The following HIVEP1 variants were observed in gnomAD, a reference collection of about 807,000 sequenced individuals.
HIVEP1 encodes the protein HIVEP zinc finger 1, also known as zinc finger protein 40.
HIVEP1 carries 36 observed loss-of-function variants against 180.0 expected under a neutral mutation model. The ratio of observed to expected loss-of-function variants is 0.20; its 90% confidence interval spans 0.15 to 0.26. The LOEUF (loss-of-function observed/expected upper bound fraction) is 0.26. HIVEP1 is among the 10% of genes least tolerant of loss of function. The probability of loss-of-function intolerance (pLI) is 1.00; values close to 1 mark genes in which losing one functional copy is unlikely to be tolerated. For synonymous variants in HIVEP1, 1,239 were observed against 1,239.0 expected, an observed-to-expected ratio of 1.00 and a Z score of 0.00; for missense variants, 3,143 against 3,268.7, an observed-to-expected ratio of 0.96 and a Z score of 0.94.
intron 3 of HIVEP1, among the ~76,000 whole-genome samples, chr6:12,118,717 T>C (rs189517931): frequency 3.9e-5 from 6 of 152,352 alleles, no homozygotes; most frequent in Admixed American, 3.3e-4. Context: ...TACAACCTTA[T>C]GACTTTTTAA....
intron 3 of HIVEP1, among the ~76,000 whole-genome samples, chr6:12,102,520 A>G (rs541511156): frequency 1.3e-5 from 2 of 152,142 alleles, no homozygotes; most frequent in Non-Finnish European, 2.9e-5. Context: ...CTTCTGTTGT[A>G]CAAATGACAC....
In HIVEP1 at chr6:12,078,648, CACATACATATAT is replaced by C. The variant is rs1293621237; in HGVS notation, c.41-10534_41-10523del. 6.6e-4 allele frequency among the ~76,000 whole-genome samples: 96 copies of C among 144,806 alleles called. 1 individual carries two copies. Among genetic ancestry groups the C allele is most frequent in the African/African-American group, 2.3e-3 (91 of 40,046 alleles). The allele number at this position is 144,806 out of a possible 152,430, so 95.0% of individuals were successfully genotyped here. ...ATACATATATATACACACACACACACACATACATATATATACATATATATACACACACTATAC... is the reference window on the plus strand; with the variant it reads ...ATACATATATATACACACACACACACATACATATATATACACACACTATAC... On this transcript the variant is annotated intron_variant, in intron 2 of 8. Transcript: ENST00000379388.
At chr6:12,160,608 G>T (rs1760333774) in intron 7 of HIVEP1, among the ~76,000 whole-genome samples, 1 of 151,922 alleles carries the variant, frequency 6.6e-6, no homozygotes, top group African/African-American at 2.4e-5. Context: ...AAGGCAAAAA[G>T]AAAAAAACAA....
chr6:12,091,837 T>C (rs1377152627), intron 3 of HIVEP1, among the ~76,000 whole-genome samples: 2 of 152,190 alleles, frequency 1.3e-5, no homozygotes. Flanking sequence ...TCCTGATTCT[T>C]AACACACATT....
intron 3 of HIVEP1, among the ~76,000 whole-genome samples, chr6:12,104,361 ATTCTCTCTCTCTCTCT>A (rs1210827204): frequency 2.5e-5 from 3 of 122,162 alleles, no homozygotes; most frequent in Admixed American, 8.9e-5. Context: ...CATCTGACTT[ATTCTCTCTCTCTCTCT>A]TTCTCTCTCT....
At chr6:12,211,522 A>G in the HIVEP1 span, among the ~76,000 whole-genome samples, 2 of 151,094 alleles carry the variant, frequency 1.3e-5, no homozygotes, top group African/African-American at 4.9e-5. Context: ...AAACATAGAT[A>G]TTTATGTATA....
At chr6:12,168,092 C>CATATGTGTATATAT (rs781151396), downstream of HIVEP1, among the ~76,000 whole-genome samples, 3 of 16,830 alleles carry the variant, frequency 1.8e-4, no homozygotes, top group Non-Finnish European at 1.1e-4. Flanking sequence ...TACATATATA[C>CATATGTGTATATAT]ACATACACGT....
chr6:12,196,051 T>C, the HIVEP1 span, among the ~76,000 whole-genome samples: 1 of 152,194 alleles, frequency 6.6e-6, no homozygotes, highest in Non-Finnish European at 1.5e-5. Context: ...TCAGACCAAT[T>C]AGTAGTATGT....
intron 2 of HIVEP1, among the ~76,000 whole-genome samples, chr6:12,073,667 A>G (rs1192033875): frequency 2.0e-5 from 3 of 152,154 alleles, no homozygotes; most frequent in Non-Finnish European, 2.9e-5. Flanking sequence ...CATTAAAAAT[A>G]TATATTTTCT....
chr6:12,168,205 TATATAC>T (rs1179183075), downstream of HIVEP1, among the ~76,000 whole-genome samples: 30 of 101,070 alleles, frequency 3.0e-4, no homozygotes, highest in African/African-American at 7.8e-5. Flanking sequence ...TATATATACA[TATATAC>T]ATATATACAT....
chr6:12,137,842 T>C (rs1758789716), intron 7 of HIVEP1, among the ~76,000 whole-genome samples: 1 of 152,240 alleles, frequency 6.6e-6, no homozygotes, highest in Admixed American at 6.5e-5. Context: ...TTCTGTGCTT[T>C]TAAAACATAT....
the HIVEP1 span, among the ~76,000 whole-genome samples, chr6:12,186,885 ATTT>A: frequency 6.8e-6 from 1 of 147,886 alleles, no homozygotes; most frequent in Admixed American, 6.8e-5. Flanking sequence ...GAGCATGAGC[ATTT>A]TTTTTTTTTA....
chr6:12,098,399 C>A (rs1167522620), intron 3 of HIVEP1, among the ~76,000 whole-genome samples: 2 of 151,996 alleles, frequency 1.3e-5, no homozygotes, highest in Non-Finnish European at 2.9e-5. Flanking sequence ...GGAGAAAAAC[C>A]CAGGTTTTGT....
rs878942992 is a variant in HIVEP1 at position 12,121,970 on chromosome 6, G to A, written c.2175G>A (p.Gly725=). ...TTSTPSALPT[G]EKALLLPGQM... is the part of the protein sequence containing the mutation. ...CAACACCCTCTGCTTTGCCCACAGG[G>A]GAAAAGGCATTGCTTTTACCAGGTC... is the stretch of plus-strand genomic sequence containing the variant. The change falls in exon 4 of 9, where the codon GGG becomes GGA. Residue 725 remains glycine, a synonymous_variant. Coordinates refer to ENST00000379388, the MANE Select transcript of HIVEP1 (RefSeq NM_002114.4). The surrounding 1 kb of genome is among the most constrained non-coding windows in gnomAD (Gnocchi z 5.3). 3 of 1,614,140 alleles carry A rather than the reference G, an allele frequency of 1.9e-6. No homozygotes were observed. The highest frequency in any genetic ancestry group is 2.2e-5 in the South Asian group (2 of 91,070).
At chr6:12,055,879 T>G (rs1028631789) in intron 2 of HIVEP1, among the ~76,000 whole-genome samples, 1 of 152,260 alleles carries the variant, frequency 6.6e-6, no homozygotes, top group African/African-American at 2.4e-5. Flanking sequence ...AAGCTAGTGC[T>G]GTTATAAAGT....
chr6:12,148,330 G>A (rs891589614), intron 7 of HIVEP1, among the ~76,000 whole-genome samples: 2 of 152,172 alleles, frequency 1.3e-5, no homozygotes, highest in Non-Finnish European at 2.9e-5. Flanking sequence ...TCATCATAGG[G>A]GATACCTGCC....
rs1172430756 is a variant in HIVEP1, at chr6:12,163,312, T to C, written c.7008T>C (p.Ala2336=). The change falls in exon 9 of 9, where the codon GCT becomes GCC. Residue 2336 remains alanine (A), a synonymous_variant. Transcript: ENST00000379388. Reference sequence around the variant, plus strand: ...CATCATCTGTAAGACTTCCTCCTGCTGCAGCTGAGCACAGCCCCCAGACAG... The same window carrying C: ...CATCATCTGTAAGACTTCCTCCTGCCGCAGCTGAGCACAGCCCCCAGACAG... ...QSPSSVRLPP[A]AAEHSPQTAA... is the part of the protein sequence containing the mutation. The C allele has an allele frequency of 1.9e-6, 3 of 1,614,124 alleles. No homozygotes were observed. Among genetic ancestry groups the C allele is most frequent in the Non-Finnish European group, 2.5e-6 (3 of 1,179,980 alleles).
At chr6:12,210,625 C>A in the HIVEP1 span, among the ~76,000 whole-genome samples, 4 of 152,248 alleles carry the variant, frequency 2.6e-5, no homozygotes, top group Admixed American at 6.5e-5. Flanking sequence ...CATCATCTCC[C>A]GGCTTGCAGT....
downstream of HIVEP1, among the ~76,000 whole-genome samples, chr6:12,166,539 G>A (rs777010120): frequency 1.3e-5 from 2 of 152,072 alleles, no homozygotes; most frequent in Non-Finnish European, 2.9e-5. Flanking sequence ...CAAGTATTTT[G>A]CTAGTATTTG....
Sources: gnomAD v4.1 joint callset for allele counts (sites outside exome capture counted in the v4.1 genomes callset) on GRCh38, gnomAD v4.1.1 for gene constraint, Gnocchi (gnomAD v3.1) non-coding constraint, MANE v1.5 for transcripts, NCBI Gene and HGNC (gene_info 2026-07-23, HGNC 2026-07-21) for gene names.